The following ARHGEF11 variants were observed in gnomAD, a reference collection of about 807,000 sequenced individuals.
ARHGEF11 encodes the protein Rho guanine nucleotide exchange factor 11.
ARHGEF11 carries 55 observed loss-of-function variants against 193.7 expected under a neutral mutation model. The observed-to-expected ratio is 0.28, with a 90% CI of 0.23 to 0.36. The LOEUF (loss-of-function observed/expected upper bound fraction) is 0.36. Among genes scored for constraint, ARHGEF11 ranks in the 10% least tolerant of loss-of-function variants. ARHGEF11 has a pLI of 1.00. For missense variants in ARHGEF11, 1,723 were observed against 2,005.6 expected (o/e 0.86, Z 2.69); for synonymous variants, 693 against 768.0 (o/e 0.90, Z 1.62).
At chr1:157,034,615 G>A (rs1283780228) in intron 1 of ARHGEF11, among the ~76,000 whole-genome samples, 3 of 152,200 alleles carry the variant, frequency 2.0e-5, no homozygotes, top group African/African-American at 7.2e-5. Context: ...AGAATGAGCT[G>A]TGTTCGAGTC....
At chr1:157,042,410 G>A (rs1007468545) in intron 1 of ARHGEF11, among the ~76,000 whole-genome samples, 2 of 152,108 alleles carry the variant, frequency 1.3e-5, no homozygotes, top group Non-Finnish European at 2.9e-5. Flanking sequence ...AGTTAGACAT[G>A]ATGGGGCAAT....
At chr1:156,955,233 G>A (rs1659772985) in intron 20 of ARHGEF11, among the ~76,000 whole-genome samples, 1 of 152,154 alleles carries the variant, frequency 6.6e-6, no homozygotes, top group African/African-American at 2.4e-5. Context: ...GTTGAGTTTT[G>A]GGTTACTGAT....
At chr1:156,969,909 T>C in intron 9 of ARHGEF11, 89 bp downstream of exon 9, 1 of 1,310,088 alleles carries the variant, frequency 7.6e-7, no homozygotes, top group Admixed American at 1.9e-5. Context: ...ATATTTTCTT[T>C]CCTGGAATCT....
At chr1:156,959,916 C>T (rs1235539769) in intron 15 of ARHGEF11, among the ~76,000 whole-genome samples, 1 of 129,702 alleles carries the variant, frequency 7.7e-6, no homozygotes, top group Non-Finnish European at 1.6e-5. Context: ...CTTATAAAAA[C>T]AAAAATAACC....
At chr1:157,000,910 T>G (rs1447372988) in intron 1 of ARHGEF11, among the ~76,000 whole-genome samples, 5 of 152,156 alleles carry the variant, frequency 3.3e-5, no homozygotes, top group Admixed American at 6.5e-5. Flanking sequence ...CCCTCCACAT[T>G]CCTGGCTGGT....
chr1:157,010,888 T>G (rs756575160), intron 1 of ARHGEF11, among the ~76,000 whole-genome samples: 2 of 152,104 alleles, frequency 1.3e-5, no homozygotes, highest in African/African-American at 2.4e-5. Context: ...TGAAAAGACA[T>G]CCATGTTTAC....
intron 1 of ARHGEF11, among the ~76,000 whole-genome samples, chr1:157,022,883 C>T (rs1386503876): frequency 1.3e-5 from 2 of 152,054 alleles, no homozygotes; most frequent in African/African-American, 4.8e-5. Context: ...AACAAAGGTG[C>T]CAAGACAATT....
At chr1:156,949,706 C>T (rs888353441) in intron 22 of ARHGEF11, among the ~76,000 whole-genome samples, 1 of 152,200 alleles carries the variant, frequency 6.6e-6, no homozygotes, top group Non-Finnish European at 1.5e-5. Flanking sequence ...TGTACCACCA[C>T]AACAAACACC....
intron 1 of ARHGEF11, among the ~76,000 whole-genome samples, chr1:156,990,301 A>G (rs971484304): frequency 1.3e-5 from 2 of 152,210 alleles, no homozygotes; most frequent in African/African-American, 4.8e-5. Context: ...AGACTATTAT[A>G]TAAGTGATGT....
intron 8 of ARHGEF11, among the ~76,000 whole-genome samples, chr1:156,971,344 G>A (rs1390105235): frequency 6.6e-6 from 1 of 152,194 alleles, no homozygotes; most frequent in Non-Finnish European, 1.5e-5. Flanking sequence ...GAAATACTGG[G>A]TAAAACCAGT....
intron 1 of ARHGEF11, among the ~76,000 whole-genome samples, chr1:157,005,640 G>A (rs1446305597): frequency 1.3e-5 from 2 of 152,122 alleles, no homozygotes; most frequent in East Asian, 3.8e-4. Flanking sequence ...CCTTGATTTA[G>A]CCTCTCCTAA....
At chr1:156,985,332 T>A (rs780859768) in intron 2 of ARHGEF11, among the ~76,000 whole-genome samples, 2 of 152,226 alleles carry the variant, frequency 1.3e-5, no homozygotes, top group Non-Finnish European at 2.9e-5. Flanking sequence ...ATTAACACAA[T>A]GCCTAGTATA....
Position 156,963,861 on chromosome 1 carries a change from TCTCTTC to T in ARHGEF11, c.964-273_964-268del, listed in dbSNP as rs1189167798. ...GAAGATGGGAAGTAGGAGAAAATGC[TCTCTTC>T]CTGTTTGCAAAAGATCTGGGGTGGG... On this transcript the variant is annotated intron_variant, in intron 11 of 40. Transcript: ENST00000368194. 7 of 996,786 alleles carry T rather than the reference TCTCTTC, an allele frequency of 7.0e-6. No individual in the cohort carries two copies. The Admixed American group carries it at 1.2e-4, about 17-fold the overall frequency. The allele number at this position is 996,786 out of a possible 1,614,324, so 61.7% of individuals were successfully genotyped here. A position where few individuals can be genotyped will look rare whatever the true frequency, so the allele number is the denominator to read the frequency against.
chr1:156,963,194 C>G lies in ARHGEF11; in HGVS notation c.1140+9G>C. The G allele has an allele frequency of 6.2e-7, 1 of 1,608,748 alleles. No individual in the cohort carries two copies. Among genetic ancestry groups the G allele is most frequent in the South Asian group, 1.1e-5 (1 of 90,830 alleles). ...AGGCACTCAATCAAGACAGATGATT[C>G]TGACTTACCAGTGGACTGGGGTCCG... On this transcript the variant is annotated intron_variant, in intron 13 of 40. Transcript: ENST00000368194.
chr1:157,045,826 GC>G (rs1260666596), upstream of ARHGEF11, among the ~76,000 whole-genome samples: 1 of 150,646 alleles, frequency 6.6e-6, no homozygotes, highest in Admixed American at 6.6e-5. Context: ...CCGGCCGGCC[GC>G]CCCCCTTCCC....
At chr1:156,974,428 C>T (rs1046939664) in intron 7 of ARHGEF11, among the ~76,000 whole-genome samples, 4 of 152,158 alleles carry the variant, frequency 2.6e-5, no homozygotes, top group Admixed American at 1.3e-4. Context: ...CATCACCTCA[C>T]GAAGCCTTCT....
intron 3 of ARHGEF11, among the ~76,000 whole-genome samples, chr1:156,980,755 G>T (rs1160358064): frequency 1.4e-5 from 2 of 147,118 alleles, no homozygotes; most frequent in African/African-American, 5.0e-5. Flanking sequence ...GAGCGAGGCA[G>T]GGCCAGGCTC....
chr1:156,946,784 C>T lies in ARHGEF11; in HGVS notation c.2572G>A (p.Asp858Asn). 1 of 1,614,196 alleles carries T rather than the reference C, an allele frequency of 6.2e-7. No individual in the cohort carries two copies. The highest frequency in any genetic ancestry group is 8.5e-7 in the Non-Finnish European group (1 of 1,180,034). ...TGGAGTTCCTCTCGGGCAGGGCCAT[C>T]AAACTGAAGAGGCAGAATGGACACG... ...EISDLMLARF[D>N]GPAREELQQV... The change falls in exon 28 of 41, where the codon GAT becomes AAT. Residue 858 changes from aspartate to asparagine, a missense_variant. Physicochemically the swap from Asp to Asn is conservative, Grantham distance 23. Coordinates refer to ENST00000368194, the MANE Select transcript of ARHGEF11 (RefSeq NM_198236.3).
chr1:156,994,976 C>T (rs759283345), intron 1 of ARHGEF11, among the ~76,000 whole-genome samples: 11 of 151,820 alleles, frequency 7.2e-5, no homozygotes, highest in Non-Finnish European at 1.0e-4. Flanking sequence ...AAAACACTGC[C>T]GTGCACTTGC....
Sources: gnomAD v4.1 joint callset for allele counts (sites outside exome capture counted in the v4.1 genomes callset) on GRCh38, gnomAD v4.1.1 for gene constraint, MANE v1.5 for transcripts, NCBI Gene and HGNC (gene_info 2026-07-23, HGNC 2026-07-21) for gene names.